Variants in SSBP2 observed in about 807,000 individuals in gnomAD.
The protein encoded by SSBP2 is single stranded DNA binding protein 2.
SSBP2 carries 17 observed loss-of-function variants against 61.8 expected under a neutral mutation model. That is an observed-to-expected ratio of 0.28 (90% CI 0.19 to 0.41). The LOEUF (loss-of-function observed/expected upper bound fraction) is 0.41, where lower values mean the gene tolerates loss of function less well. SSBP2 is among the 10% of genes least tolerant of loss of function. The pLI, the probability that SSBP2 is intolerant of heterozygous loss-of-function variation, is 1.00. For missense variants in SSBP2, 310 were observed against 458.7 expected, an observed-to-expected ratio of 0.68 and a Z score of 2.96; for synonymous variants, 139 against 141.3, an observed-to-expected ratio of 0.98 and a Z score of 0.12.
At chr5:81,493,015 A>G (rs1258839841) in intron 5 of SSBP2, among the ~76,000 whole-genome samples, 1 of 152,026 alleles carries the variant, frequency 6.6e-6, no homozygotes, top group Non-Finnish European at 1.5e-5. Flanking sequence ...CATTTTCATC[A>G]AGGAGCTAAA....
At chr5:81,579,676 A>G (rs920649993) in intron 4 of SSBP2, among the ~76,000 whole-genome samples, 1 of 152,092 alleles carries the variant, frequency 6.6e-6, no homozygotes, top group African/African-American at 2.4e-5. Flanking sequence ...AGCTGACAGT[A>G]AACACAGCAC....
At chr5:81,559,038 G>A (rs1178993523) in intron 4 of SSBP2, among the ~76,000 whole-genome samples, 1 of 152,156 alleles carries the variant, frequency 6.6e-6, no homozygotes, top group Non-Finnish European at 1.5e-5. Flanking sequence ...GGTGGATCAC[G>A]AGGTCAAGAG....
chr5:81,533,356 A>G (rs61411242), intron 4 of SSBP2, among the ~76,000 whole-genome samples: 14 of 152,104 alleles, frequency 9.2e-5, no homozygotes, highest in African/African-American at 3.4e-4. Flanking sequence ...ATAATATATC[A>G]AAATTTGTGG....
chr5:81,487,105 A>C (rs1292064906), intron 6 of SSBP2, among the ~76,000 whole-genome samples: 1 of 152,232 alleles, frequency 6.6e-6, no homozygotes, highest in East Asian at 1.9e-4. Flanking sequence ...AGACAGTATG[A>C]ATGAAAAAGA....
At chr5:81,572,169 T>C (rs1773889127) in intron 4 of SSBP2, among the ~76,000 whole-genome samples, 1 of 152,182 alleles carries the variant, frequency 6.6e-6, no homozygotes, top group Non-Finnish European at 1.5e-5. Context: ...AGAATATAAG[T>C]TAATGGGTTT....
intron 5 of SSBP2, among the ~76,000 whole-genome samples, chr5:81,492,344 A>T (rs1380299985): frequency 6.6e-6 from 1 of 152,002 alleles, no homozygotes; most frequent in African/African-American, 2.4e-5. Context: ...CTCTACTAAA[A>T]ATACAAAAAA....
chr5:81,480,577 G>C (rs1473572985), intron 6 of SSBP2, among the ~76,000 whole-genome samples: 1 of 152,144 alleles, frequency 6.6e-6, no homozygotes, highest in East Asian at 1.9e-4. Flanking sequence ...GATGGCTATG[G>C]CAATTTCTTT....
intron 1 of SSBP2, among the ~76,000 whole-genome samples, chr5:81,685,590 G>A (rs949135429): frequency 6.6e-5 from 10 of 152,026 alleles, no homozygotes; most frequent in African/African-American, 2.4e-4. Flanking sequence ...AGAAGGGGAG[G>A]CTTATCTGTT....
intron 4 of SSBP2, among the ~76,000 whole-genome samples, chr5:81,530,236 C>T (rs1770287640): frequency 6.6e-6 from 1 of 151,900 alleles, no homozygotes; most frequent in South Asian, 2.1e-4. Flanking sequence ...GGGGATTAAA[C>T]GAGTTAATAT....
At chr5:81,533,901 G>C (rs971541046) in intron 4 of SSBP2, among the ~76,000 whole-genome samples, 1 of 152,044 alleles carries the variant, frequency 6.6e-6, no homozygotes, top group African/African-American at 2.4e-5. Flanking sequence ...ACTGGACAAG[G>C]TTCTCACAGT....
intron 16 of SSBP2, among the ~76,000 whole-genome samples, chr5:81,420,966 C>T (rs1439603339): frequency 1.3e-5 from 2 of 152,144 alleles, no homozygotes; most frequent in Admixed American, 6.6e-5. Flanking sequence ...ACTTCAGTTT[C>T]CCTATCTGTA....
At chr5:81,544,575 G>A (rs1771584237) in intron 4 of SSBP2, among the ~76,000 whole-genome samples, 1 of 152,136 alleles carries the variant, frequency 6.6e-6, no homozygotes, top group African/African-American at 2.4e-5. Flanking sequence ...TAAAAGGAAG[G>A]AATGTTTAAA....
At chr5:81,534,654 A>T (rs1770676433) in intron 4 of SSBP2, among the ~76,000 whole-genome samples, 1 of 152,166 alleles carries the variant, frequency 6.6e-6, no homozygotes, top group Admixed American at 6.6e-5. Context: ...AGAAATTTCA[A>T]AACAGGAAAG....
Position 81,452,694 on chromosome 5 carries a change from A to G in SSBP2, c.688-3869T>C, listed in dbSNP as rs1340495300. On this transcript the variant is annotated intron_variant, in intron 10 of 16. Transcript: ENST00000320672. ...TGGTGACTGGGTAGATGCTGCTGCTACTCATTTATACATAGGGAATTCAGG... is the reference window on the plus strand; with the variant it reads ...TGGTGACTGGGTAGATGCTGCTGCTGCTCATTTATACATAGGGAATTCAGG... Among the ~76,000 whole-genome samples, 16 of 152,280 alleles carry G rather than the reference A, an allele frequency of 1.1e-4. No homozygotes were observed. In the East Asian group the frequency reaches 2.9e-3, roughly 28 times the overall value.
chr5:81,654,322 A>C (rs1750022702), intron 1 of SSBP2, among the ~76,000 whole-genome samples: 1 of 152,108 alleles, frequency 6.6e-6, no homozygotes, highest in African/African-American at 2.4e-5. Flanking sequence ...AGTTAAATTC[A>C]CCTTCTCCAT....
intron 4 of SSBP2, among the ~76,000 whole-genome samples, chr5:81,572,586 G>C (rs144919474): frequency 2.0e-3 from 299 of 152,258 alleles, no homozygotes; most frequent in Non-Finnish European, 3.3e-3. Flanking sequence ...ATGAGCCATA[G>C]AGTTAATGTG....
intron 5 of SSBP2, among the ~76,000 whole-genome samples, chr5:81,509,246 G>A (rs2154079159): frequency 6.6e-6 from 1 of 152,202 alleles, no homozygotes; most frequent in Non-Finnish European, 1.5e-5. Context: ...ATTCCTCCTT[G>A]CCTTGTACTG....
intron 4 of SSBP2, among the ~76,000 whole-genome samples, chr5:81,525,571 C>A (rs1480146483): frequency 6.6e-6 from 1 of 152,038 alleles, no homozygotes; most frequent in Non-Finnish European, 1.5e-5. Flanking sequence ...GCTGAGTCTG[C>A]ACTACCTGCA....
Position 81,513,613 on chromosome 5 carries a change from A to G in SSBP2, c.372+15T>C. The G allele has an allele frequency of 6.6e-7, 1 of 1,512,614 alleles. No homozygotes were observed. Among genetic ancestry groups the G allele is most frequent in the Non-Finnish European group, 9.2e-7 (1 of 1,089,696 alleles). The allele number at this position is 1,512,614 out of a possible 1,614,324, so 93.7% of individuals were successfully genotyped here. A position where few individuals can be genotyped will look rare whatever the true frequency, so the allele number is the denominator to read the frequency against. On this transcript the variant is annotated intron_variant, in intron 5 of 16. Coordinates refer to ENST00000320672, the MANE Select transcript of SSBP2 (RefSeq NM_012446.5). ...CCTATGCTTTAACATTCCTAGTCAG[A>G]GTTTCTCTGAGTACCTGAAAGAACC...
Sources: gnomAD v4.1 joint callset for allele counts (sites outside exome capture counted in the v4.1 genomes callset) on GRCh38, gnomAD v4.1.1 for gene constraint, MANE v1.5 for transcripts, NCBI Gene and HGNC (gene_info 2026-07-23, HGNC 2026-07-21) for gene names.